GATAD2B: variants seen among roughly 807,000 people sequenced by gnomAD.
GATAD2B encodes GATA zinc finger domain containing 2B, also known as transcriptional repressor p66-beta.
Under a neutral mutation model 64.3 loss-of-function variants are expected in GATAD2B, and 8 were observed. That is an observed-to-expected ratio of 0.12 (90% CI 0.07 to 0.22). The LOEUF is 0.22. Ranked by LOEUF, GATAD2B falls within the 10% of genes least tolerant of loss-of-function variation. The pLI, the probability that GATAD2B is intolerant of heterozygous loss-of-function variation, is 1.00. For synonymous variants in GATAD2B, 281 were observed against 271.3 expected (o/e 1.04, Z -0.35); for missense variants, 453 against 752.0 (o/e 0.60, Z 4.65).
chr1:153,873,708 C>A (rs1243574975), intron 1 of GATAD2B, among the ~76,000 whole-genome samples: 1 of 152,140 alleles, frequency 6.6e-6, no homozygotes, highest in African/African-American at 2.4e-5. Flanking sequence ...TTTTGAGAGG[C>A]CAAGGTGGAT....
intron 2 of GATAD2B, among the ~76,000 whole-genome samples, chr1:153,826,949 A>C (rs80277462): frequency 6.6e-6 from 1 of 151,752 alleles, no homozygotes; most frequent in South Asian, 2.1e-4. Flanking sequence ...TTAAAAAAAA[A>C]AAAAAAAAAA....
At chr1:153,841,966 A>T (rs886587699) in intron 1 of GATAD2B, among the ~76,000 whole-genome samples, 12 of 151,980 alleles carry the variant, frequency 7.9e-5, no homozygotes, top group African/African-American at 2.7e-4. Flanking sequence ...TGTCATTTTT[A>T]TTACTGTTAT....
At chr1:153,917,453 G>A (rs1421060861) in intron 1 of GATAD2B, among the ~76,000 whole-genome samples, 2 of 150,032 alleles carry the variant, frequency 1.3e-5, no homozygotes, top group African/African-American at 2.5e-5. Flanking sequence ...GGAGTGCAAT[G>A]GTGCAATCTC....
intron 10 of GATAD2B, among the ~76,000 whole-genome samples, chr1:153,810,678 A>T (rs1018770402): frequency 6.6e-6 from 1 of 151,040 alleles, no homozygotes; most frequent in Admixed American, 6.6e-5. Flanking sequence ...CTAGTCTTGA[A>T]CTCCTGACCT....
At chr1:153,847,309 CTTAA>C (rs1256817808) in intron 1 of GATAD2B, among the ~76,000 whole-genome samples, 4 of 152,246 alleles carry the variant, frequency 2.6e-5, no homozygotes, top group South Asian at 2.1e-4. Flanking sequence ...CAACATTGTA[CTTAA>C]TTATTGTATT....
intron 1 of GATAD2B, among the ~76,000 whole-genome samples, chr1:153,893,704 T>C (rs1012440597): frequency 2.0e-5 from 3 of 152,172 alleles, no homozygotes; most frequent in Admixed American, 6.6e-5. Flanking sequence ...CTCATGCCTG[T>C]AATCCCAGCA....
chr1:153,868,029 T>C (rs12567313), intron 1 of GATAD2B, among the ~76,000 whole-genome samples: 40,456 of 151,718 alleles, frequency 0.27, 6,007 homozygotes, highest in Admixed American at 0.38. Context: ...TGAAACCCCG[T>C]CTTTACTTAA....
At chr1:153,822,621 T>C (rs929431467) in intron 2 of GATAD2B, among the ~76,000 whole-genome samples, 3 of 152,026 alleles carry the variant, frequency 2.0e-5, no homozygotes, top group Admixed American at 6.6e-5. Flanking sequence ...GTGATTCTCC[T>C]GCCTCCTGAG....
In GATAD2B at chr1:153,910,675, G is replaced by A. The variant is rs536344091; in HGVS notation, c.-2+12058C>T. 4.3e-4 allele frequency among the ~76,000 whole-genome samples: 66 copies of A among 152,258 alleles called. 1 individual carries two copies. The highest frequency in any genetic ancestry group is 7.4e-4 in the Non-Finnish European group (50 of 68,022). On this transcript the variant is annotated intron_variant, in intron 1 of 10. Coordinates refer to ENST00000368655, the MANE Select transcript of GATAD2B (RefSeq NM_020699.4). ...GAATCACTTGAACCCAGGAGGCAGA[G>A]GTTGCAGTGAGCCAAGACTGCGCCA...
intron 1 of GATAD2B, among the ~76,000 whole-genome samples, chr1:153,882,594 T>G (rs548781195): frequency 2.0e-5 from 3 of 150,316 alleles, no homozygotes; most frequent in Non-Finnish European, 2.9e-5. Context: ...TTATGTATAT[T>G]TTACTGCAAT....
chr1:153,853,245 T>C, intron 1 of GATAD2B: 1 of 1,055,740 alleles, frequency 9.5e-7, no homozygotes, highest in Non-Finnish European at 1.5e-6. Flanking sequence ...ACCGAGGTGA[T>C]GGTCTTCACA....
At position 153,857,137 on chromosome 1, in the gene GATAD2B, CATAT is replaced by C. The variant is rs10563350; in HGVS notation, c.-1-28793_-1-28790del. On this transcript the variant is annotated intron_variant, in intron 1 of 10. Transcript: ENST00000368655. ...TAACTTAAATATACATATGCATATG[CATAT>C]ATATATATATATATATAAATTGGCC... is the stretch of plus-strand genomic sequence containing the variant. 3.6e-3 allele frequency among the ~76,000 whole-genome samples: 354 copies of C among 98,226 alleles called. 2 individuals carry two copies. Among genetic ancestry groups the C allele is most frequent in the African/African-American group, 0.013 (342 of 26,748 alleles). The allele number at this position is 98,226 out of a possible 152,430, so 64.4% of individuals were successfully genotyped here. A position where few individuals can be genotyped will look rare whatever the true frequency, so the allele number is the denominator to read the frequency against.
chr1:153,861,010 A>G (rs1676262106), intron 1 of GATAD2B, among the ~76,000 whole-genome samples: 1 of 152,186 alleles, frequency 6.6e-6, no homozygotes, highest in Non-Finnish European at 1.5e-5. Flanking sequence ...AACTGGCTTT[A>G]AAGGTCTCTG....
At chr1:153,908,361 A>T (rs917183936) in intron 1 of GATAD2B, among the ~76,000 whole-genome samples, 3 of 152,174 alleles carry the variant, frequency 2.0e-5, no homozygotes, top group Non-Finnish European at 2.9e-5. Context: ...GTAAAACATA[A>T]CTAACATTTA....
chr1:153,878,774 CT>C (rs71093297), intron 1 of GATAD2B, among the ~76,000 whole-genome samples: 213 of 108,132 alleles, frequency 2.0e-3, no homozygotes, highest in African/African-American at 5.5e-3. Context: ...TACTTTATTC[CT>C]TTTTTTTTTT....
At chr1:153,823,806 C>T (rs1320431860) in intron 2 of GATAD2B, among the ~76,000 whole-genome samples, 1 of 151,676 alleles carries the variant, frequency 6.6e-6, no homozygotes, top group Non-Finnish European at 1.5e-5. Flanking sequence ...TCTCTGCTCA[C>T]TACAACTCTA....
Position 153,867,907 on chromosome 1 carries a change from TAA to T in GATAD2B, c.-1-39561_-1-39560del, listed in dbSNP as rs1570974017. Among the ~76,000 whole-genome samples, 3 of 150,264 alleles carry T rather than the reference TAA, an allele frequency of 2.0e-5. No individual in the cohort carries two copies. In the South Asian group the frequency reaches 6.3e-4, roughly 32 times the overall value. On this transcript the variant is annotated intron_variant, in intron 1 of 10. Transcript: ENST00000368655. ...CACCATATTAGAAACAGAATTAAAA[TAA>T]AATTTTAGGCCAGGCACAGTGGCTC...
At chr1:153,821,092 C>A (rs747510952) in intron 2 of GATAD2B, among the ~76,000 whole-genome samples, 2 of 150,654 alleles carry the variant, frequency 1.3e-5, no homozygotes, top group Non-Finnish European at 2.9e-5. Context: ...GAGATTCCCC[C>A]CGCCTCAGCC....
At chr1:153,913,930 AAAG>A (rs1230363840) in intron 1 of GATAD2B, among the ~76,000 whole-genome samples, 8 of 149,176 alleles carry the variant, frequency 5.4e-5, no homozygotes, top group African/African-American at 1.5e-4. Context: ...AAAAAAAAAA[AAAG>A]AAGAAAAAAT....
Sources: gnomAD v4.1 joint callset for allele counts (sites outside exome capture counted in the v4.1 genomes callset) on GRCh38, gnomAD v4.1.1 for gene constraint, MANE v1.5 for transcripts, NCBI Gene and HGNC (gene_info 2026-07-23, HGNC 2026-07-21) for gene names.